NDRG3: variants seen among roughly 807,000 people sequenced by gnomAD.
The protein encoded by NDRG3 is NDRG family member 3, also known as protein NDRG3.
NDRG3 carries 23 observed loss-of-function variants against 57.2 expected under a neutral mutation model. That is an observed-to-expected ratio of 0.40 (90% CI 0.29 to 0.57). NDRG3 has a LOEUF of 0.57. Ranked by LOEUF, NDRG3 falls within the 20% of genes least tolerant of loss-of-function variation. NDRG3 has a pLI of 0.42. For synonymous variants in NDRG3, 132 were observed against 162.6 expected (o/e 0.81, Z 1.43); for missense variants, 384 against 457.3 (o/e 0.84, Z 1.46).
At chr20:36,703,421 C>CCTATCTATCTATCTAT (rs5841239) in intron 3 of NDRG3, among the ~76,000 whole-genome samples, 15 of 147,014 alleles carry the variant, frequency 1.0e-4, no homozygotes, top group East Asian at 8.1e-4. Context: ...TATGTAATAT[C>CCTATCTATCTATCTAT]CTATCTATCT....
At chr20:36,725,320 T>C (rs913834767) in intron 1 of NDRG3, among the ~76,000 whole-genome samples, 1 of 140,516 alleles carries the variant, frequency 7.1e-6, no homozygotes, top group South Asian at 2.2e-4. Context: ...GAAGAAAATA[T>C]GGAAATTGGC....
chr20:36,671,063 T>C (rs1406449574), intron 9 of NDRG3, among the ~76,000 whole-genome samples: 3 of 152,182 alleles, frequency 2.0e-5, no homozygotes, highest in Non-Finnish European at 4.4e-5. Flanking sequence ...TAAAGATGTT[T>C]GGGGAGGCAC....
At chr20:36,666,121 G>A (rs1053246713) in intron 10 of NDRG3, among the ~76,000 whole-genome samples, 168 bp downstream of exon 10, 1 of 152,192 alleles carries the variant, frequency 6.6e-6, no homozygotes, top group Non-Finnish European at 1.5e-5. Context: ...AGTTACAGCT[G>A]ATCCATTTCC....
At chr20:36,725,977 G>A (rs1984910081) in intron 1 of NDRG3, among the ~76,000 whole-genome samples, 1 of 145,612 alleles carries the variant, frequency 6.9e-6, no homozygotes, top group Admixed American at 7.0e-5. Context: ...CACCTAGGCT[G>A]GAGTGCAGTG....
chr20:36,714,090 G>A (rs1226115995), intron 2 of NDRG3, among the ~76,000 whole-genome samples: 1 of 151,998 alleles, frequency 6.6e-6, no homozygotes, highest in East Asian at 1.9e-4. Flanking sequence ...ATAAATCGGT[G>A]TATTAAAATC....
intron 2 of NDRG3, among the ~76,000 whole-genome samples, chr20:36,720,722 A>ATAAG (rs1984540026): frequency 1.3e-5 from 2 of 151,990 alleles, no homozygotes. Context: ...CTGAAAGTCA[A>ATAAG]GACACTTGGA....
At chr20:36,707,984 C>T (rs73620219) in intron 2 of NDRG3, among the ~76,000 whole-genome samples, 3 of 151,196 alleles carry the variant, frequency 2.0e-5, no homozygotes, top group African/African-American at 7.3e-5. Flanking sequence ...CTTGGGAGGC[C>T]GAGGCAGGAG....
In NDRG3 at chr20:36,653,118, T is replaced by C. The variant is rs533402562; in HGVS notation, c.*402A>G. On this transcript the variant is annotated 3_prime_UTR_variant, in exon 16 of 16. Coordinates refer to ENST00000349004, the MANE Select transcript of NDRG3 (RefSeq NM_032013.4). The surrounding 1 kb of genome is among the most constrained non-coding windows in gnomAD (Gnocchi z 4.2). ...TGAGAATGCAAAATAAGTCCCTTTT[T>C]TGTTTTTTGCAGAAGCACTACAAGA... 6.3e-6 allele frequency: 1 copy of C among 159,208 alleles called. No individual in the cohort carries two copies. The highest frequency in any genetic ancestry group is 1.4e-5 in the Non-Finnish European group (1 of 72,546). 9.9% of individuals were successfully genotyped at this position (159,208 alleles called of 1,614,324 possible). A position where few individuals can be genotyped will look rare whatever the true frequency, so the allele number is the denominator to read the frequency against.
chr20:36,684,575 C>T (rs563490460), intron 5 of NDRG3, 100 bp from the exon 6 acceptor site: 26 of 1,022,558 alleles, frequency 2.5e-5, no homozygotes, highest in South Asian at 1.2e-4. Flanking sequence ...AAAGGCTGAG[C>T]GCAGTAGCTC....
At position 36,736,774 on chromosome 20, in the gene NDRG3, C is replaced by T. The variant is rs564008149; in HGVS notation, c.-49+9271G>A. Among the ~76,000 whole-genome samples, 163 of 152,218 alleles carry T rather than the reference C, an allele frequency of 1.1e-3. 1 individual carries two copies. Among genetic ancestry groups the T allele is most frequent in the South Asian group, 7.7e-3 (37 of 4,822 alleles). On this transcript the variant is annotated intron_variant, in intron 1 of 15. Transcript: ENST00000349004. ...AAAATGCAGCTGAGATTTTTCACTG[C>T]ATAAAGGAAAGTCTGGGTACCTCTT...
At chr20:36,688,165 G>C (rs541364566) in intron 4 of NDRG3, among the ~76,000 whole-genome samples, 1 of 152,326 alleles carries the variant, frequency 6.6e-6, no homozygotes, top group African/African-American at 2.4e-5. Flanking sequence ...CAAATGCAGG[G>C]CATCTATGAA....
chr20:36,728,786 C>T (rs1177770483), intron 1 of NDRG3, among the ~76,000 whole-genome samples: 1 of 151,918 alleles, frequency 6.6e-6, no homozygotes, highest in Non-Finnish European at 1.5e-5. Context: ...AGTGCAGTGG[C>T]TCAATCGCGG....
At chr20:36,697,722 A>AG in intron 3 of NDRG3, among the ~76,000 whole-genome samples, 1 of 152,190 alleles carries the variant, frequency 6.6e-6, no homozygotes, top group East Asian at 1.9e-4. Flanking sequence ...AAAAAAAAAA[A>AG]AAGATTTAAT....
At chr20:36,685,536 C>T (rs905341769) in intron 5 of NDRG3, among the ~76,000 whole-genome samples, 1 of 152,082 alleles carries the variant, frequency 6.6e-6, no homozygotes, top group East Asian at 1.9e-4. Flanking sequence ...GTCTTGAATT[C>T]CTGGCCTCAG....
At chr20:36,689,229 G>A (rs1397316996) in intron 3 of NDRG3, among the ~76,000 whole-genome samples, 1 of 152,080 alleles carries the variant, frequency 6.6e-6, no homozygotes, top group African/African-American at 2.4e-5. Flanking sequence ...GCATACCAGA[G>A]AGATGCTAGA....
chr20:36,697,378 T>C (rs910250688), intron 3 of NDRG3, among the ~76,000 whole-genome samples: 6 of 152,146 alleles, frequency 3.9e-5, no homozygotes, highest in East Asian at 1.9e-4. Context: ...GCAGGTTTTT[T>C]CCCCCCCAAG....
At chr20:36,745,042 C>A (rs1012281406) in intron 1 of NDRG3, among the ~76,000 whole-genome samples, 1 of 151,514 alleles carries the variant, frequency 6.6e-6, no homozygotes, top group Admixed American at 6.6e-5. Context: ...CAGTAAGCCA[C>A]CAAAGGAAAG....
At chr20:36,745,907 G>C (rs1986168655) in intron 1 of NDRG3, 138 bp downstream of exon 1, 1 of 211,248 alleles carries the variant, frequency 4.7e-6, no homozygotes, top group Non-Finnish European at 9.5e-6. Flanking sequence ...CCGGGGGCAC[G>C]GGGGAGGCAA....
intron 1 of NDRG3, among the ~76,000 whole-genome samples, chr20:36,736,743 CTT>C (rs1310079561): frequency 6.6e-6 from 1 of 152,112 alleles, no homozygotes; most frequent in Non-Finnish European, 1.5e-5. Flanking sequence ...CCATGGAAGA[CTT>C]TTAAAAATGC....
Sources: allele counts gnomAD v4.1 joint callset (sites outside exome capture counted in the v4.1 genomes callset), GRCh38; gene constraint gnomAD v4.1.1; non-coding constraint Gnocchi (gnomAD v3.1); transcripts MANE v1.5; gene names NCBI Gene and HGNC (gene_info 2026-07-23, HGNC 2026-07-21).